Variants in STAG1 observed in about 807,000 individuals in gnomAD.
The protein encoded by STAG1 is STAG1 cohesin complex component.
In STAG1, 26 loss-of-function variants were observed where a neutral mutation model predicts 170.9. The ratio of observed to expected loss-of-function variants is 0.15; its 90% confidence interval spans 0.11 to 0.21. STAG1 has a LOEUF of 0.21. Ranked by LOEUF, STAG1 falls within the 10% of genes least tolerant of loss-of-function variation. The pLI is 1.00. For synonymous variants in STAG1, 514 were observed against 497.7 expected, an observed-to-expected ratio of 1.03 and a Z score of -0.44; for missense variants, 964 against 1,509.5, an observed-to-expected ratio of 0.64 and a Z score of 5.99.
chr3:136,541,016 C>T (rs957409390), intron 6 of STAG1, among the ~76,000 whole-genome samples: 1 of 151,794 alleles, frequency 6.6e-6, no homozygotes, highest in South Asian at 2.1e-4. Context: ...TAATTCTTGG[C>T]TTTCTGTTAA....
At position 136,422,659 on chromosome 3, in the gene STAG1, A is replaced by G. The variant is rs893914646; in HGVS notation, c.1834-46T>C. 3.2e-6 allele frequency: 5 copies of G among 1,563,494 alleles called. No homozygotes were observed. In the Admixed American group the frequency reaches 7.8e-5, roughly 25 times the overall value. On this transcript the variant is annotated intron_variant, in intron 18 of 33. Transcript: ENST00000383202. ...AAACTGTAATATTTAGGTTAACAAT[A>G]AAAAATAAAAAATTAGCATCTGTCA...
chr3:136,750,190 A>T (rs1301910550), intron 1 of STAG1, among the ~76,000 whole-genome samples: 1 of 152,070 alleles, frequency 6.6e-6, no homozygotes, highest in Non-Finnish European at 1.5e-5. Context: ...ATTTTATTTT[A>T]TTTTTTTAAA....
At chr3:136,729,422 T>C (rs916025140) in intron 1 of STAG1, among the ~76,000 whole-genome samples, 15 of 152,290 alleles carry the variant, frequency 9.8e-5, no homozygotes, top group African/African-American at 3.6e-4. Context: ...TATATTCAAA[T>C]ACAATTATCA....
chr3:136,563,408 G>T (rs1322346930), intron 5 of STAG1, among the ~76,000 whole-genome samples: 1 of 151,940 alleles, frequency 6.6e-6, no homozygotes, highest in Non-Finnish European at 1.5e-5. Context: ...TTGGGGATTT[G>T]AAATATTAAG....
In STAG1 at chr3:136,337,307, A is replaced by ATTATC. The variant is rs1357336597; in HGVS notation, c.*942_*946dup. The ATTATC allele has an allele frequency of 6.6e-6, 1 of 152,640 alleles. No homozygotes were observed. 9.5% of individuals were successfully genotyped at this position (152,640 alleles called of 1,614,324 possible). On this transcript the variant is annotated 3_prime_UTR_variant, in exon 34 of 34. Transcript: ENST00000383202. ...TTGATAAAGGATTTCTTCATGATTG[A>ATTATC]TTATCTTAAGAAAATGGAAGTCTGT... is the stretch of plus-strand genomic sequence containing the variant.
At chr3:136,644,990 G>C (rs535296254) in intron 1 of STAG1, among the ~76,000 whole-genome samples, 3 of 151,988 alleles carry the variant, frequency 2.0e-5, no homozygotes, top group Admixed American at 1.3e-4. Flanking sequence ...TCGATCTCCC[G>C]AAGTGCTGGG....
intron 4 of STAG1, among the ~76,000 whole-genome samples, chr3:136,604,051 G>A (rs937287354): frequency 6.6e-6 from 1 of 151,424 alleles, no homozygotes; most frequent in Non-Finnish European, 1.5e-5. Flanking sequence ...AAAATATCAA[G>A]ACAATAAAAA....
intron 30 of STAG1, 124 bp downstream of exon 30, chr3:136,343,708 C>T (rs1936095372): frequency 3.3e-6 from 2 of 613,628 alleles, no homozygotes; most frequent in African/African-American, 1.9e-5. Flanking sequence ...AAGTGTTTAC[C>T]CTCCGTTTGT....
At chr3:136,508,857 CGT>C (rs578218669) in intron 7 of STAG1, among the ~76,000 whole-genome samples, 8 of 152,042 alleles carry the variant, frequency 5.3e-5, no homozygotes, top group Non-Finnish European at 7.4e-5. Context: ...AACGTGTGTA[CGT>C]GTGTGTGTGT....
chr3:136,667,351 G>A (rs982791978), intron 1 of STAG1, among the ~76,000 whole-genome samples: 3 of 151,844 alleles, frequency 2.0e-5, no homozygotes, highest in African/African-American at 4.8e-5. Context: ...AGTTCATGTC[G>A]AGCCTAGACA....
At chr3:136,408,561 G>C (rs568622517) in intron 21 of STAG1, among the ~76,000 whole-genome samples, 3 of 152,138 alleles carry the variant, frequency 2.0e-5, no homozygotes, top group South Asian at 4.1e-4. Context: ...TTAAACTAAA[G>C]ATATGGTAGT....
At chr3:136,644,198 A>G (rs1020971100) in intron 1 of STAG1, among the ~76,000 whole-genome samples, 2 of 152,236 alleles carry the variant, frequency 1.3e-5, no homozygotes, top group African/African-American at 2.4e-5. Context: ...CTTCACTACT[A>G]TAAGAAAATT....
intron 5 of STAG1, among the ~76,000 whole-genome samples, chr3:136,559,124 C>CCTATCTATCTATCTATCTAT (rs3042748): frequency 1.5e-4 from 21 of 144,102 alleles, no homozygotes; most frequent in East Asian, 7.9e-4. Context: ...CACTGAACTA[C>CCTATCTATCTATCTATCTAT]CTATCTATCT....
intron 1 of STAG1, among the ~76,000 whole-genome samples, chr3:136,633,370 G>A (rs1331427303): frequency 2.0e-5 from 3 of 152,118 alleles, no homozygotes; most frequent in African/African-American, 7.2e-5. Flanking sequence ...AAAAATAAGA[G>A]CAGAAGGAAT....
At chr3:136,565,016 AGGC>A (rs1343767231) in intron 5 of STAG1, among the ~76,000 whole-genome samples, 7 of 88,994 alleles carry the variant, frequency 7.9e-5, no homozygotes, top group South Asian at 5.0e-4. Flanking sequence ...GAAGGAAGGC[AGGC>A]AGGCAGGCAG....
In STAG1 at chr3:136,736,958, T is replaced by A; in HGVS notation, c.-84+15237A>T. The A allele has an allele frequency of 3.8e-6, 6 of 1,597,508 alleles. No individual in the cohort carries two copies. The South Asian group carries it at 5.5e-5, about 15-fold the overall frequency. ...GCTTTGTCCACAGCCTCAAAAGCCTTTTGTGCTCTGTCAGCATCATCTTGA... is the reference window on the plus strand; with the variant it reads ...GCTTTGTCCACAGCCTCAAAAGCCTATTGTGCTCTGTCAGCATCATCTTGA... On this transcript the variant is annotated intron_variant, in intron 1 of 33. Transcript: ENST00000383202.
chr3:136,697,299 C>G (rs1294870811), intron 1 of STAG1, among the ~76,000 whole-genome samples: 3 of 152,148 alleles, frequency 2.0e-5, no homozygotes, highest in African/African-American at 7.2e-5. Flanking sequence ...CAATCCCAGT[C>G]AGGGTACAGT....
intron 4 of STAG1, among the ~76,000 whole-genome samples, chr3:136,601,468 C>G (rs1373626354): frequency 1.3e-5 from 2 of 152,018 alleles, no homozygotes; most frequent in Non-Finnish European, 2.9e-5. Context: ...ATGGAAGGTA[C>G]CAGAGTCCTG....
chr3:136,586,505 C>A (rs570812914), intron 4 of STAG1, among the ~76,000 whole-genome samples: 1 of 152,228 alleles, frequency 6.6e-6, no homozygotes, highest in East Asian at 1.9e-4. Flanking sequence ...GCTAAGCTCA[C>A]GAGTAACAGT....
Sources: gnomAD v4.1 joint callset for allele counts (sites outside exome capture counted in the v4.1 genomes callset) on GRCh38, gnomAD v4.1.1 for gene constraint, MANE v1.5 for transcripts, NCBI Gene and HGNC (gene_info 2026-07-23, HGNC 2026-07-21) for gene names.